ERH: variants seen among roughly 807,000 people sequenced by gnomAD.
ERH encodes ERH mRNA splicing and mitosis factor, also known as enhancer of rudimentary homolog.
ERH carries 1 observed loss-of-function variant against 16.8 expected under a neutral mutation model. The observed-to-expected ratio is 0.06, with a 90% CI of 0.02 to 0.28. ERH has a LOEUF of 0.28. Among genes scored for constraint, ERH ranks in the 10% least tolerant of loss-of-function variants. The pLI is 1.00. For synonymous variants in ERH, 43 were observed against 43.6 expected, an observed-to-expected ratio of 0.99 and a Z score of 0.05; for missense variants, 42 against 127.5, an observed-to-expected ratio of 0.33 and a Z score of 3.23.
chr14:69,385,500 T>A (rs1201658816), intron 3 of ERH, among the ~76,000 whole-genome samples: 2 of 152,042 alleles, frequency 1.3e-5, no homozygotes, highest in East Asian at 3.9e-4. Flanking sequence ...AAGAGCCAAT[T>A]TGAGCTATCA....
intron 1 of ERH, among the ~76,000 whole-genome samples, chr14:69,397,771 A>C (rs1019357202): frequency 1.3e-5 from 2 of 152,148 alleles, no homozygotes; most frequent in South Asian, 4.1e-4. Context: ...TAAAAAAATT[A>C]GCCGAGCGAG....
intron 3 of ERH, among the ~76,000 whole-genome samples, chr14:69,384,417 A>C (rs1259105007): frequency 6.6e-6 from 1 of 152,206 alleles, no homozygotes; most frequent in African/African-American, 2.4e-5. Flanking sequence ...CAAATGGTAG[A>C]CCCAGGATTC....
At chr14:69,397,774 C>A (rs1051380674) in intron 1 of ERH, among the ~76,000 whole-genome samples, 2 of 152,116 alleles carry the variant, frequency 1.3e-5, no homozygotes, top group Admixed American at 6.5e-5. Context: ...AAAAATTAGC[C>A]GAGCGAGGTG....
intron 3 of ERH, among the ~76,000 whole-genome samples, chr14:69,384,617 A>G (rs983745196): frequency 6.6e-6 from 1 of 152,248 alleles, no homozygotes; most frequent in Non-Finnish European, 1.5e-5. Flanking sequence ...AAAGACAACC[A>G]TTAATTTTTA....
intron 3 of ERH, among the ~76,000 whole-genome samples, chr14:69,380,978 TA>T (rs2045860067): frequency 1.3e-5 from 2 of 152,318 alleles, no homozygotes; most frequent in South Asian, 4.1e-4. Flanking sequence ...CTTTAGTGAT[TA>T]AAAAACAACA....
chr14:69,389,400 G>A (rs538931493), intron 2 of ERH, among the ~76,000 whole-genome samples: 9 of 152,234 alleles, frequency 5.9e-5, no homozygotes, highest in African/African-American at 9.6e-5. Flanking sequence ...TATTTATTGC[G>A]CTACTTGTAT....
At chr14:69,389,552 T>A (rs1484692571) in intron 2 of ERH, among the ~76,000 whole-genome samples, 7 of 152,184 alleles carry the variant, frequency 4.6e-5, no homozygotes, top group African/African-American at 1.7e-4. Flanking sequence ...AAGGAAACAA[T>A]AAAAATCTAT....
intron 2 of ERH, among the ~76,000 whole-genome samples, chr14:69,391,494 A>G (rs1189930931): frequency 2.6e-5 from 4 of 151,590 alleles, no homozygotes; most frequent in Non-Finnish European, 5.9e-5. Flanking sequence ...AAAATACAAA[A>G]AAAGGTAGCC....
chr14:69,381,604 C>T (rs1594885583), intron 3 of ERH, among the ~76,000 whole-genome samples: 1 of 152,006 alleles, frequency 6.6e-6, no homozygotes, highest in Non-Finnish European at 1.5e-5. Flanking sequence ...TACTGGGTGT[C>T]GCTTTAAATT....
intron 3 of ERH, among the ~76,000 whole-genome samples, chr14:69,382,775 C>G (rs2045870343): frequency 7.1e-6 from 1 of 140,680 alleles, no homozygotes; most frequent in Admixed American, 7.4e-5. Flanking sequence ...GGCGACAGTG[C>G]AAGACTCTAT....
intron 3 of ERH, among the ~76,000 whole-genome samples, chr14:69,386,221 G>A (rs2045891976): frequency 1.3e-5 from 2 of 152,224 alleles, no homozygotes; most frequent in African/African-American, 2.4e-5. Context: ...CACATTCCAT[G>A]ATTGGCTCCA....
At chr14:69,392,673 C>T (rs1882245323) in intron 2 of ERH, among the ~76,000 whole-genome samples, 1 of 152,146 alleles carries the variant, frequency 6.6e-6, no homozygotes, top group Non-Finnish European at 1.5e-5. Context: ...CTAGTATGAA[C>T]TATGAACTTT....
chr14:69,397,437 A>G (rs1882371912), intron 1 of ERH, among the ~76,000 whole-genome samples: 1 of 149,130 alleles, frequency 6.7e-6, no homozygotes, highest in Non-Finnish European at 1.5e-5. Flanking sequence ...CAATACCTAG[A>G]GGTCTCAAAA....
intron 3 of ERH, among the ~76,000 whole-genome samples, chr14:69,382,732 G>A (rs183655079): frequency 0.015 from 2,307 of 151,228 alleles, 25 homozygotes; most frequent in Non-Finnish European, 0.025. Context: ...CCAGCTACTC[G>A]GGAGGCTGAG....
intron 3 of ERH, among the ~76,000 whole-genome samples, chr14:69,382,008 G>A (rs968978277): frequency 6.6e-6 from 1 of 152,134 alleles, no homozygotes; most frequent in Non-Finnish European, 1.5e-5. Flanking sequence ...TCATAAATGA[G>A]AAACCAAGGC....
At chr14:69,384,433 C>G (rs1446211081) in intron 3 of ERH, among the ~76,000 whole-genome samples, 1 of 152,210 alleles carries the variant, frequency 6.6e-6, no homozygotes, top group African/African-American at 2.4e-5. Flanking sequence ...GATTCAAACC[C>G]AGCTATGTCT....
intron 1 of ERH, 139 bp from the exon 2 acceptor site, chr14:69,395,051 T>C: frequency 1.5e-6 from 1 of 662,988 alleles, no homozygotes; most frequent in South Asian, 1.9e-5. Context: ...TGGCATCCCA[T>C]GCCTATAATC....
At chr14:69,387,175 CAT>C in intron 2 of ERH, 92 bp from the exon 3 acceptor site, 3 of 999,916 alleles carry the variant, frequency 3.0e-6, no homozygotes, top group Non-Finnish European at 4.3e-6. Context: ...ATGTTGATAT[CAT>C]ATTTACTTTA....
intron 2 of ERH, among the ~76,000 whole-genome samples, chr14:69,392,433 C>G (rs889379917): frequency 1.3e-5 from 2 of 152,094 alleles, no homozygotes; most frequent in Non-Finnish European, 2.9e-5. Flanking sequence ...AAGCCACACA[C>G]GATAATGATT....
Sources: gnomAD v4.1 joint callset for allele counts (sites outside exome capture counted in the v4.1 genomes callset) on GRCh38, gnomAD v4.1.1 for gene constraint, MANE v1.5 for transcripts, NCBI Gene and HGNC (gene_info 2026-07-23, HGNC 2026-07-21) for gene names.